Variants in CASK observed in about 807,000 individuals in gnomAD.
The protein encoded by CASK is calcium/calmodulin dependent serine protein kinase.
A neutral mutation model predicts 82.9 loss-of-function variants in CASK; 4 were observed. The ratio of observed to expected loss-of-function variants is 0.05; its 90% CI spans 0.02 to 0.11. The LOEUF is 0.11. CASK is among the 10% of genes least tolerant of loss of function. The pLI is 1.00. For missense variants in CASK, 358 were observed against 720.9 expected, an observed-to-expected ratio of 0.50 and a Z score of 5.76; for synonymous variants, 259 against 253.5, an observed-to-expected ratio of 1.02 and a Z score of -0.20.
intron 4 of CASK, chrX:41,743,854 T>A (rs1396750076): frequency 3.6e-6 from 1 of 276,248 alleles, no homozygotes; most frequent in African/African-American, 2.7e-5. Context: ...ATGCCTACAA[T>A]CCAAGCACTT....
At chrX:41,598,724 T>C (rs1370245353) in intron 12 of CASK, among the ~76,000 whole-genome samples, 1 of 111,909 alleles carries the variant, frequency 8.9e-6, no homozygotes, top group Non-Finnish European at 1.9e-5. Context: ...CATTGGGATA[T>C]TACAAGTTAC....
At chrX:41,712,730 T>C (rs1463390943) in intron 5 of CASK, among the ~76,000 whole-genome samples, 1 of 112,790 alleles carries the variant, frequency 8.9e-6, no homozygotes, top group Non-Finnish European at 1.9e-5. Context: ...CCAGCCATTA[T>C]TCTGGAGGTC....
intron 2 of CASK, among the ~76,000 whole-genome samples, chrX:41,809,015 A>C (rs752726938): frequency 4.2e-3 from 472 of 112,364 alleles, no homozygotes; most frequent in Non-Finnish European, 6.6e-3. Context: ...CTGAGATCGA[A>C]CTGCAAGGCG....
chrX:41,815,488 CA>C (rs1033689413), intron 2 of CASK, among the ~76,000 whole-genome samples: 24 of 110,253 alleles, frequency 2.2e-4, no homozygotes, highest in African/African-American at 7.6e-4. Flanking sequence ...AAAAGAAATA[CA>C]AAAAAATAAA....
chrX:41,859,968 T>C (rs923878187), intron 1 of CASK, among the ~76,000 whole-genome samples: 4 of 111,332 alleles, frequency 3.6e-5, no homozygotes, highest in African/African-American at 1.3e-4. Context: ...ATAAACTGTG[T>C]GTATTCACAT....
intron 8 of CASK, among the ~76,000 whole-genome samples, chrX:41,642,427 T>A (rs1393240335): frequency 8.6e-4 from 97 of 112,147 alleles, no homozygotes; most frequent in African/African-American, 3.1e-3. Flanking sequence ...GACTTTTTAA[T>A]GATTGCCATT....
At chrX:41,796,819 C>T (rs1180133269) in intron 2 of CASK, among the ~76,000 whole-genome samples, 3 of 111,875 alleles carry the variant, frequency 2.7e-5, no homozygotes, top group Non-Finnish European at 5.6e-5. Context: ...TCCCTTACTG[C>T]GGTTACCCTA....
At chrX:41,699,221 G>A (rs1045210113) in intron 5 of CASK, among the ~76,000 whole-genome samples, 1 of 111,399 alleles carries the variant, frequency 9.0e-6, no homozygotes, top group Non-Finnish European at 1.9e-5. Context: ...CACCGCGCCC[G>A]GCCAGTTAAC....
intron 15 of CASK, among the ~76,000 whole-genome samples, chrX:41,577,874 G>T (rs1238235428): frequency 8.9e-6 from 1 of 111,854 alleles, no homozygotes; most frequent in East Asian, 2.8e-4. Context: ...ATTTATTTCA[G>T]CAGTGTTACT....
chrX:41,603,289 T>C (rs1418704746), intron 12 of CASK, among the ~76,000 whole-genome samples: 1 of 112,400 alleles, frequency 8.9e-6, no homozygotes, highest in African/African-American at 3.2e-5. Context: ...CAGATTATTG[T>C]AGAAGTTCCA....
At chrX:41,873,785 CTTTTTTTT>C (rs781735208) in intron 1 of CASK, among the ~76,000 whole-genome samples, 1 of 88,601 alleles carries the variant, frequency 1.1e-5, no homozygotes, top group Non-Finnish European at 2.3e-5. Context: ...TTTGTTGTTC[CTTTTTTTT>C]TTTTTTTTTT....
At chrX:41,733,533 G>A (rs771445802) in intron 5 of CASK, among the ~76,000 whole-genome samples, 9 of 110,819 alleles carry the variant, frequency 8.1e-5, no homozygotes, top group African/African-American at 2.3e-4. Flanking sequence ...CAGATCATGA[G>A]GTCAGGAGAT....
intron 12 of CASK, among the ~76,000 whole-genome samples, chrX:41,603,519 T>C (rs2065919981): frequency 8.9e-6 from 1 of 112,489 alleles, no homozygotes; most frequent in Non-Finnish European, 1.9e-5. Flanking sequence ...AAGTATCAGT[T>C]AATTGCTAAT....
chrX:41,702,065 C>T (rs1227339447), intron 5 of CASK, among the ~76,000 whole-genome samples: 1 of 94,045 alleles, frequency 1.1e-5, no homozygotes, highest in African/African-American at 4.0e-5. Context: ...CTGCTTACCA[C>T]TCATCAAAAT....
intron 2 of CASK, among the ~76,000 whole-genome samples, chrX:41,845,097 T>C (rs1187424827): frequency 8.9e-6 from 1 of 112,045 alleles, no homozygotes; most frequent in Non-Finnish European, 1.9e-5. Context: ...GATGGGCTAA[T>C]GCACAGTCTA....
intron 5 of CASK, among the ~76,000 whole-genome samples, chrX:41,724,812 T>A (rs2068228625): frequency 8.9e-6 from 1 of 111,923 alleles, no homozygotes; most frequent in Non-Finnish European, 1.9e-5. Context: ...GCATTTAATA[T>A]TCATACAGAA....
At chrX:41,853,320 A>G in intron 1 of CASK, 93 bp from the exon 2 acceptor site, 1 of 525,022 alleles carries the variant, frequency 1.9e-6, no homozygotes. Context: ...TATAATATAG[A>G]TAATGTTTGC....
intron 1 of CASK, among the ~76,000 whole-genome samples, chrX:41,916,070 G>A (rs1260725274): frequency 9.1e-6 from 1 of 110,479 alleles, no homozygotes; most frequent in Admixed American, 9.6e-5. Context: ...CCAGCTTGTT[G>A]GGAGGCTGAG....
At chrX:41,732,639 C>T (rs2068417643) in intron 5 of CASK, among the ~76,000 whole-genome samples, 1 of 111,738 alleles carries the variant, frequency 8.9e-6, no homozygotes, top group South Asian at 3.8e-4. Context: ...GCTATAGTTG[C>T]ACCTGACAGA....
Sources: gnomAD v4.1 joint callset for allele counts (sites outside exome capture counted in the v4.1 genomes callset) on GRCh38, gnomAD v4.1.1 for gene constraint, MANE v1.5 for transcripts, NCBI Gene and HGNC (gene_info 2026-07-23, HGNC 2026-07-21) for gene names.